The following TRIM66 variants were observed in gnomAD, a reference collection of about 807,000 sequenced individuals.
TRIM66 encodes tripartite motif containing 66, also known as tripartite motif-containing protein 66.
A neutral mutation model predicts 148.2 loss-of-function variants in TRIM66; 99 were observed. The observed-to-expected ratio is 0.67, with a 90% CI of 0.57 to 0.79. The LOEUF (loss-of-function observed/expected upper bound fraction) is 0.79, where lower values mean the gene tolerates loss of function less well. Among genes scored for constraint, TRIM66 ranks in the 30% least tolerant of loss-of-function variants. The pLI is 0.00. For missense variants in TRIM66, 1,666 were observed against 1,697.9 expected (o/e 0.98, Z 0.33); for synonymous variants, 616 against 635.9 (o/e 0.97, Z 0.47).
At chr11:8,648,677 A>G in intron 8 of TRIM66, 129 bp from the exon 9 acceptor site, 4 of 1,169,410 alleles carry the variant, frequency 3.4e-6, no homozygotes, top group Non-Finnish European at 4.7e-6. Flanking sequence ...GAAGTGTTAT[A>G]AACAGGAGAT....
chr11:8,683,010 C>T (rs965670144), upstream of TRIM66: 3 of 870,686 alleles, frequency 3.4e-6, no homozygotes, highest in Non-Finnish European at 5.3e-6. Context: ...CGGTTCGGAT[C>T]TCTAGGACAC....
chr11:8,651,332 G>A (rs2037340410), intron 7 of TRIM66, among the ~76,000 whole-genome samples: 1 of 152,056 alleles, frequency 6.6e-6, no homozygotes, highest in Admixed American at 6.5e-5. Flanking sequence ...GCCAATAAGT[G>A]ATAAAAATTT....
chr11:8,616,036 G>A lies in TRIM66; in HGVS notation c.*1908C>T, dbSNP rs1390356943. The A allele has an allele frequency of 1.3e-5, 2 of 152,242 alleles. No individual in the cohort carries two copies. The highest frequency in any genetic ancestry group is 2.4e-5 in the African/African-American group (1 of 41,452). The allele number at this position is 152,242 out of a possible 1,614,324, so 9.4% of individuals were successfully genotyped here. On this transcript the variant is annotated 3_prime_UTR_variant, in exon 25 of 25. Transcript: ENST00000646038. Reference sequence around the variant, plus strand: ...GAACAGAGAAGGAGATTCAAAAATTGAAAGGGAAATGACCAGACCCCAAAC... The same window carrying A: ...GAACAGAGAAGGAGATTCAAAAATTAAAAGGGAAATGACCAGACCCCAAAC...
chr11:8,682,992 T>G (rs1038079752), upstream of TRIM66: 3 of 937,354 alleles, frequency 3.2e-6, no homozygotes, highest in Non-Finnish European at 4.8e-6. Flanking sequence ...AGCCGTGTGT[T>G]AGGCCCGCGG....
At chr11:8,676,614 G>A (rs2039189754) in intron 3 of TRIM66, among the ~76,000 whole-genome samples, 2 of 152,220 alleles carry the variant, frequency 1.3e-5, no homozygotes, top group Non-Finnish European at 2.9e-5. Context: ...AGCAATTGAA[G>A]TAACTCCATG....
At chr11:8,682,121 C>T (rs898252919) in intron 1 of TRIM66, among the ~76,000 whole-genome samples, 3 of 152,180 alleles carry the variant, frequency 2.0e-5, no homozygotes, top group African/African-American at 7.2e-5. Context: ...CATAAAGCAA[C>T]CAGGCATCTA....
rs1268278200 is a variant in TRIM66 at position 8,612,384 on chromosome 11, T to A, written c.*5560A>T. On this transcript the variant is annotated 3_prime_UTR_variant, in exon 25 of 25. Transcript: ENST00000646038. Reference sequence around the variant, plus strand: ...CCTTATGTGGCCTGATCTTGAGAGTTAAAATCATAATTAACATCTTTACAG... The same window carrying A: ...CCTTATGTGGCCTGATCTTGAGAGTAAAAATCATAATTAACATCTTTACAG... 1 of 152,146 alleles carries A rather than the reference T, an allele frequency of 6.6e-6. No individual in the cohort carries two copies. The highest frequency in any genetic ancestry group is 1.5e-5 in the Non-Finnish European group (1 of 68,032). The allele number at this position is 152,146 out of a possible 1,614,324, so 9.4% of individuals were successfully genotyped here. A position where few individuals can be genotyped will look rare whatever the true frequency, so the allele number is the denominator to read the frequency against.
At position 8,640,081 on chromosome 11, in the gene TRIM66, T is replaced by C. The variant is rs185077986; in HGVS notation, c.2148+146A>G. On this transcript the variant is annotated intron_variant, in intron 14 of 24. Coordinates refer to ENST00000646038, the MANE Select transcript of TRIM66 (RefSeq NM_001388022.1). ...CTGAGGTGGGAGGTTGAGCCCAGCA[T>C]AGTTTTGAAATGTGAGGGCTGAGCT... The C allele has an allele frequency of 8.3e-4, 666 of 802,566 alleles. 2 individuals carry two copies. Among genetic ancestry groups the C allele is most frequent in the African/African-American group, 4.2e-3 (244 of 57,620 alleles). The allele number at this position is 802,566 out of a possible 1,614,324, so 49.7% of individuals were successfully genotyped here.
chr11:8,618,848 C>T lies in TRIM66; in HGVS notation c.4021G>A (p.Glu1341Lys), dbSNP rs1269043843. The change falls in exon 24 of 25, where the codon GAG becomes AAG. Residue 1341 changes from glutamate to lysine, a missense_variant. By Grantham distance (56) the Glu-to-Lys change is moderately conservative (BLOSUM62 1). Transcript: ENST00000646038. ...QPRQEDSDSE[E>K]VSSESGCSTP... ...GAACATCCACTCTCACTAGACACCT[C>T]CTCGGAGTCTGAGTCCTCCTGCCTT... 3 of 1,551,528 alleles carry T rather than the reference C, an allele frequency of 1.9e-6. No individual in the cohort carries two copies. The highest frequency in any genetic ancestry group is 2.4e-5 in the South Asian group (2 of 84,064).
rs769279821 is a variant in TRIM66 at position 8,624,393 on chromosome 11, C to T, written c.2985G>A (p.Thr995=). ...KKPPLAPVVS[T]STALQQYQNP... is the part of the protein sequence containing the mutation. ...TCTGGTACTGCTGCAGAGCTGTAGA[C>T]GTGCTGACCACTGGCGCCAGTGGAG... The change falls in exon 17 of 25, where the codon ACG becomes ACA. Residue 995 remains threonine (T), a synonymous_variant. Transcript: ENST00000646038. The T allele has an allele frequency of 5.4e-5, 84 of 1,551,336 alleles. No individual in the cohort carries two copies. The highest frequency in any genetic ancestry group is 4.5e-4 in the South Asian group (38 of 83,994).
chr11:8,621,000 C>A (rs1361062731), intron 20 of TRIM66, 32 bp downstream of exon 20: 2 of 1,540,904 alleles, frequency 1.3e-6, no homozygotes, highest in South Asian at 2.4e-5. Context: ...ACCCTACTAG[C>A]CAGGTGATGG....
chr11:8,672,892 A>G (rs945670013), intron 4 of TRIM66, among the ~76,000 whole-genome samples: 20 of 150,824 alleles, frequency 1.3e-4, no homozygotes, highest in Admixed American at 2.6e-4. Flanking sequence ...TGGCCTCCCA[A>G]AGTGCTGGGA....
At chr11:8,667,952 G>A (rs1485080691) in intron 6 of TRIM66, among the ~76,000 whole-genome samples, 1 of 152,170 alleles carries the variant, frequency 6.6e-6, no homozygotes, top group Non-Finnish European at 1.5e-5. Flanking sequence ...CTGGATCATA[G>A]GATAATTTGA....
In TRIM66 at chr11:8,624,461, G is replaced by T. The variant is rs1004623841; in HGVS notation, c.2917C>A (p.Pro973Thr). The change falls in exon 17 of 25, where the codon CCC (proline) becomes ACC (threonine). Residue 973 changes from proline (P) to threonine (T), a missense_variant. Physicochemically the swap from Pro to Thr is conservative, Grantham distance 38. Coordinates refer to ENST00000646038, the MANE Select transcript of TRIM66 (RefSeq NM_001388022.1). ...GLDAPKDLAIPSELEEPINLS... is the reference protein window; with the variant it reads ...GLDAPKDLAITSELEEPINLS... ...TTAATTGGCTCCTCCAGTTCTGAGG[G>T]GATGGCCAAGTCCTTGGGAGCATCC... 4 of 1,551,508 alleles carry T rather than the reference G, an allele frequency of 2.6e-6. No individual in the cohort carries two copies. The African/African-American group carries it at 4.1e-5, about 16-fold the overall frequency.
At chr11:8,672,179 A>C in intron 5 of TRIM66, 69 bp downstream of exon 5, 5 of 1,532,386 alleles carry the variant, frequency 3.3e-6, no homozygotes, top group Non-Finnish European at 4.4e-6. Flanking sequence ...TTCGAGAACA[A>C]GGCCTCAAAA....
At chr11:8,639,364 G>C (rs529854036) in intron 14 of TRIM66, among the ~76,000 whole-genome samples, 10 of 152,312 alleles carry the variant, frequency 6.6e-5, no homozygotes, top group African/African-American at 2.4e-4. Flanking sequence ...TAGAACAGGA[G>C]GTTCTGGGGG....
intron 4 of TRIM66, 62 bp from the exon 5 acceptor site, chr11:8,672,447 T>C: frequency 7.0e-7 from 1 of 1,426,446 alleles, no homozygotes; most frequent in Non-Finnish European, 9.2e-7. Context: ...TGACAGGCAC[T>C]TTACATACTG....
chr11:8,628,630 A>AGAG (rs1394447732), intron 15 of TRIM66, among the ~76,000 whole-genome samples: 19 of 34,058 alleles, frequency 5.6e-4, no homozygotes, highest in South Asian at 4.6e-3. Context: ...AAAAAAAAAA[A>AGAG]AAAAAAAGAG....
At chr11:8,648,301 C>G in intron 9 of TRIM66, 115 bp downstream of exon 9, 1 of 1,457,606 alleles carries the variant, frequency 6.9e-7, no homozygotes, top group Non-Finnish European at 9.2e-7. Flanking sequence ...AGCCCAGGGG[C>G]TGCAGGTTGG....
Sources: allele counts gnomAD v4.1 joint callset (sites outside exome capture counted in the v4.1 genomes callset), GRCh38; gene constraint gnomAD v4.1.1; transcripts MANE v1.5; gene names NCBI Gene and HGNC (gene_info 2026-07-23, HGNC 2026-07-21).